The following MCM3 variants were observed in gnomAD, a reference collection of about 807,000 sequenced individuals.
The protein encoded by MCM3 is minichromosome maintenance complex component 3.
In MCM3, 59 loss-of-function variants were observed where a neutral mutation model predicts 91.3. The observed-to-expected ratio is 0.65, with a 90% confidence interval of 0.52 to 0.80. The LOEUF (loss-of-function observed/expected upper bound fraction) is 0.80, where lower values mean the gene tolerates loss of function less well. Ranked by LOEUF, MCM3 falls within the 30% of genes least tolerant of loss-of-function variation. The pLI, the probability that MCM3 is intolerant of heterozygous loss-of-function variation, is 0.00. For synonymous variants in MCM3, 383 were observed against 379.6 expected, an observed-to-expected ratio of 1.01 and a Z score of -0.10; for missense variants, 919 against 1,035.4, an observed-to-expected ratio of 0.89 and a Z score of 1.54.
At chr6:52,281,324 T>G (rs1009892953) in intron 4 of MCM3, among the ~76,000 whole-genome samples, 17 of 152,184 alleles carry the variant, frequency 1.1e-4, no homozygotes, top group Non-Finnish European at 2.4e-4. Flanking sequence ...TGTAGATGAC[T>G]TCTTCTTTTG....
Position 52,273,814 on chromosome 6 carries a change from G to A in MCM3, c.1477C>T (p.Gln493Ter). ...FIMLDQMDPE[Q>*]DREISDHVLR... ...ACATGGTCTGAGATCTCCCGATCCT[G>A]CTCAGGATCCATCTGATCCAGCATG... The change falls in exon 10 of 17, where the codon CAG becomes TAG. Residue 493 changes from glutamine to a stop codon, truncating the protein, a stop_gained. Coordinates refer to ENST00000596288, the MANE Select transcript of MCM3 (RefSeq NM_002388.6). LOFTEE classifies it high-confidence loss of function. 1 of 1,614,090 alleles carries A rather than the reference G, an allele frequency of 6.2e-7. No individual in the cohort carries two copies. Among genetic ancestry groups the A allele is most frequent in the Non-Finnish European group, 8.5e-7 (1 of 1,180,000 alleles).
Position 52,273,304 on chromosome 6 carries a change from A to C in MCM3, c.1602T>G (p.Phe534Leu). The C allele has an allele frequency of 1.2e-6, 2 of 1,614,204 alleles. No homozygotes were observed. ...GGGTGTCCTGCTGATCTTCCTGGCT[A>C]AAGTTGGGATCATCTGTGGCCAGGA... ...VDILATDDPNFSQEDQQDTQI... is the reference protein window; with the variant it reads ...VDILATDDPNLSQEDQQDTQI... The change falls in exon 11 of 17, where the codon TTT becomes TTG. Residue 534 changes from phenylalanine to leucine, a missense_variant. Phe to Leu is a conservative substitution (Grantham distance 22, BLOSUM62 0). Transcript: ENST00000596288.
Position 52,282,604 on chromosome 6 carries a change from C to G in MCM3, c.400+49G>C, listed in dbSNP as rs17246240. 1,091 of 1,570,102 alleles carry G rather than the reference C, an allele frequency of 6.9e-4. 6 individuals carry two copies. In the African/African-American group the frequency reaches 0.013, roughly 18 times the overall value. On this transcript the variant is annotated intron_variant, in intron 3 of 16. Transcript: ENST00000596288. ...TCTACTTTGCCTCTCCTGCTTTCCC[C>G]ATCTCCCTGTCTATTCATTTCCTAA...
chr6:52,269,341 G>T, intron 12 of MCM3, 115 bp from the exon 13 acceptor site: 1 of 948,264 alleles, frequency 1.1e-6, no homozygotes, highest in Non-Finnish European at 1.6e-6. Flanking sequence ...CCCAAGCAAA[G>T]AATTCAGAGT....
chr6:52,267,096 CTTTTT>C (rs70977337), intron 14 of MCM3, among the ~76,000 whole-genome samples: 13 of 111,570 alleles, frequency 1.2e-4, no homozygotes, highest in Non-Finnish European at 2.0e-4. Context: ...AGGGTATCTT[CTTTTT>C]TTTTTTTTTT....
rs766249359 is a variant in MCM3 at position 52,276,525 on chromosome 6, G to A, written c.1166-49C>T. ...ACGTGCTACAGTCTAGGTTATAGGG[G>A]CCAGAAGGGAAGGATTTCAATCTCC... On this transcript the variant is annotated intron_variant, in intron 8 of 16. Coordinates refer to ENST00000596288, the MANE Select transcript of MCM3 (RefSeq NM_002388.6). 31 of 1,450,678 alleles carry A rather than the reference G, an allele frequency of 2.1e-5. No individual in the cohort carries two copies. The African/African-American group carries it at 4.2e-4, about 20-fold the overall frequency. 89.9% of individuals were successfully genotyped at this position (1,450,678 alleles called of 1,614,324 possible).
chr6:52,277,208 G>A lies in MCM3; in HGVS notation c.1034-10C>T, dbSNP rs1281491717. 9 of 1,610,562 alleles carry A rather than the reference G, an allele frequency of 5.6e-6. No homozygotes were observed. The highest frequency in any genetic ancestry group is 2.2e-5 in the East Asian group (1 of 44,806). On this transcript the variant is annotated splice_polypyrimidine_tract_variant and intron_variant, in intron 7 of 16. Transcript: ENST00000596288. ...GCAACGGATGGGTCTCCTGTAGGGT[G>A]GGGGCAGTGATGACTCTCTAGGAAA...
At chr6:52,275,106 A>G (rs1279134781) in intron 9 of MCM3, among the ~76,000 whole-genome samples, 2 of 152,308 alleles carry the variant, frequency 1.3e-5, no homozygotes, top group East Asian at 3.9e-4. Context: ...CCTTGGCTAC[A>G]CATTAAAACC....
intron 12 of MCM3, among the ~76,000 whole-genome samples, chr6:52,272,024 A>G (rs1428046307): frequency 2.0e-5 from 3 of 152,224 alleles, no homozygotes; most frequent in Non-Finnish European, 4.4e-5. Flanking sequence ...AAGAGGAAAG[A>G]CTAGGTCACT....
chr6:52,283,553 T>C lies in MCM3; in HGVS notation c.79-147A>G. ...AGTATGTGCTCATCAATTTCTCCCTTTCATTCACTGTTTTTAGATTCGAAA... is the reference window on the plus strand; with the variant it reads ...AGTATGTGCTCATCAATTTCTCCCTCTCATTCACTGTTTTTAGATTCGAAA... On this transcript the variant is annotated intron_variant, in intron 1 of 16. Coordinates refer to ENST00000596288, the MANE Select transcript of MCM3 (RefSeq NM_002388.6). 4.6e-6 allele frequency: 3 copies of C among 653,644 alleles called. No individual in the cohort carries two copies. The South Asian group carries it at 5.3e-5, about 12-fold the overall frequency. 40.5% of individuals were successfully genotyped at this position (653,644 alleles called of 1,614,324 possible). A position where few individuals can be genotyped will look rare whatever the true frequency, so the allele number is the denominator to read the frequency against.
Position 52,278,814 on chromosome 6 carries a change from G to C in MCM3, c.807C>G (p.Ser269Arg). Residue 269 changes from serine to arginine, a missense_variant, in exon 6 of 17, where the codon AGC becomes AGG. Ser to Arg is a moderately radical substitution (Grantham distance 110). Coordinates refer to ENST00000596288, the MANE Select transcript of MCM3 (RefSeq NM_002388.6). ...CAGAGAAAGAGGGCTGAGCATCCTTGCTCATCTGCTTAACATTACAGGCAA... is the reference window on the plus strand; with the variant it reads ...CAGAGAAAGAGGGCTGAGCATCCTTCCTCATCTGCTTAACATTACAGGCAA... ...VLIACNVKQM[S>R]KDAQPSFSAE... 2 of 1,613,918 alleles carry C rather than the reference G, an allele frequency of 1.2e-6. No homozygotes were observed. Among genetic ancestry groups the C allele is most frequent in the Middle Eastern group, 1.6e-4 (1 of 6,062 alleles).
In MCM3 at chr6:52,264,274, G is replaced by A. The variant is rs752578459; in HGVS notation, c.*314C>T. On this transcript the variant is annotated 3_prime_UTR_variant, in exon 17 of 17. Transcript: ENST00000596288. ...ACAGTTGTGCCCCCAAAAGTACTCA[G>A]AAGTCATATGTTATTTACAATTGGG... 3.3e-5 allele frequency: 10 copies of A among 298,656 alleles called. No individual in the cohort carries two copies. The highest frequency in any genetic ancestry group is 5.8e-5 in the Non-Finnish European group (9 of 155,374). The allele number at this position is 298,656 out of a possible 1,614,324, so 18.5% of individuals were successfully genotyped here.
chr6:52,272,026 T>C (rs1276935437), intron 12 of MCM3, among the ~76,000 whole-genome samples: 7 of 152,340 alleles, frequency 4.6e-5, no homozygotes, highest in Admixed American at 2.6e-4. Flanking sequence ...GAGGAAAGAC[T>C]AGGTCACTTC....
intron 12 of MCM3, among the ~76,000 whole-genome samples, chr6:52,271,279 T>C (rs1765110059): frequency 6.6e-6 from 1 of 152,028 alleles, no homozygotes. Flanking sequence ...CTATGTAACA[T>C]AATAAGAGTT....
chr6:52,279,440 G>A lies in MCM3; in HGVS notation c.691C>T (p.Pro231Ser). ...CCCACCACCTGAACCCGGTCACCAG[G>A]CTTCGCTTTATCCACCAAGTCATCA... The part of the protein sequence containing the change: ...LDDDLVDKAK[P>S]GDRVQVVGTY... Residue 231 changes from proline (P) to serine (S), a missense_variant, in exon 5 of 17, where the codon CCT (proline) becomes TCT (serine). Coordinates refer to ENST00000596288, the MANE Select transcript of MCM3 (RefSeq NM_002388.6). 1.9e-6 allele frequency: 3 copies of A among 1,614,114 alleles called. No homozygotes were observed. Among genetic ancestry groups the A allele is most frequent in the Non-Finnish European group, 2.5e-6 (3 of 1,180,034 alleles).
chr6:52,271,557 G>A (rs908218109), intron 12 of MCM3, among the ~76,000 whole-genome samples: 3 of 152,114 alleles, frequency 2.0e-5, no homozygotes, highest in African/African-American at 7.2e-5. Flanking sequence ...CAGAACAATC[G>A]CTTGAACCAG....
intron 7 of MCM3, 142 bp from the exon 8 acceptor site, chr6:52,277,340 A>G (rs763087721): frequency 2.2e-5 from 22 of 989,932 alleles, no homozygotes; most frequent in Non-Finnish European, 2.9e-5. Flanking sequence ...TCCCTTCACC[A>G]CTCACGGAAG....
intron 10 of MCM3, 135 bp downstream of exon 10, chr6:52,273,607 G>T: frequency 1.1e-6 from 1 of 914,730 alleles, no homozygotes; most frequent in Non-Finnish European, 1.6e-6. Context: ...AGAAGGGGAG[G>T]TGGCTAAACA....
At chr6:52,273,500 A>G in intron 10 of MCM3, 144 bp from the exon 11 acceptor site, 1 of 882,824 alleles carries the variant, frequency 1.1e-6, no homozygotes, top group Middle Eastern at 3.3e-4. Context: ...ACCCACAAAT[A>G]AAGATAGTGG....
Sources: gnomAD v4.1 joint callset for allele counts (sites outside exome capture counted in the v4.1 genomes callset) on GRCh38, gnomAD v4.1.1 for gene constraint, MANE v1.5 for transcripts, NCBI Gene and HGNC (gene_info 2026-07-23, HGNC 2026-07-21) for gene names.